The following TLN2 variants were observed in gnomAD, a reference collection of about 807,000 sequenced individuals.
TLN2 encodes talin-2.
TLN2 carries 118 observed loss-of-function variants against 294.7 expected under a neutral mutation model. The observed-to-expected ratio is 0.40, with a 90% CI of 0.34 to 0.47. The LOEUF is 0.47. Among genes scored for constraint, TLN2 ranks in the 20% least tolerant of loss-of-function variants. The probability of loss-of-function intolerance (pLI) is 0.84; values close to 1 mark genes in which losing one functional copy is unlikely to be tolerated. For missense variants in TLN2, 3,083 were observed against 3,282.2 expected, an observed-to-expected ratio of 0.94 and a Z score of 1.48; for synonymous variants, 1,431 against 1,304.5, an observed-to-expected ratio of 1.10 and a Z score of -2.09.
intron 1 of TLN2, among the ~76,000 whole-genome samples, chr15:62,508,515 A>C (rs891907486): frequency 6.6e-6 from 1 of 152,164 alleles, no homozygotes; most frequent in Non-Finnish European, 1.5e-5. Context: ...GCACCCGGCC[A>C]AAGCCCTATA....
chr15:62,399,224 G>C (rs1163953158), intron 1 of TLN2, among the ~76,000 whole-genome samples: 1 of 126,974 alleles, frequency 7.9e-6, no homozygotes, highest in Non-Finnish European at 1.6e-5. Flanking sequence ...CTGCACTCTA[G>C]CCTGGGTGAC....
chr15:62,568,038 T>C (rs1239710863), intron 1 of TLN2, among the ~76,000 whole-genome samples: 3 of 152,220 alleles, frequency 2.0e-5, no homozygotes, highest in African/African-American at 7.2e-5. Context: ...TTGAGTTCTC[T>C]GAGCCCACGA....
At chr15:62,509,629 C>T (rs1426960331) in intron 1 of TLN2, among the ~76,000 whole-genome samples, 1 of 152,196 alleles carries the variant, frequency 6.6e-6, no homozygotes, top group Non-Finnish European at 1.5e-5. Context: ...AGAACGGCCC[C>T]TCCTGGTCCT....
chr15:62,834,332 G>C (rs2069226125), intron 55 of TLN2: 2 of 152,158 alleles, frequency 1.3e-5, no homozygotes, highest in African/African-American at 4.8e-5. Context: ...CTCTCAAATG[G>C]AGAGGCGCCA....
At position 62,481,798 on chromosome 15, in the gene TLN2, C is replaced by CTTTTTTTT. The variant is rs60002079; in HGVS notation, c.-238+91123_-238+91130dup. Among the ~76,000 whole-genome samples, 12 of 115,732 alleles carry CTTTTTTTT rather than the reference C, an allele frequency of 1.0e-4. 2 individuals are homozygous for CTTTTTTTT. Among genetic ancestry groups the CTTTTTTTT allele is most frequent in the Non-Finnish European group, 1.2e-4 (7 of 56,880 alleles). 75.9% of individuals were successfully genotyped at this position (115,732 alleles called of 152,430 possible). On this transcript the variant is annotated intron_variant, in intron 1 of 58. Coordinates refer to ENST00000636159, the MANE Select transcript of TLN2 (RefSeq NM_015059.3). ...ATATTATTTTTCTTTTTCTTTCTTT[C>CTTTTTTTT]TTTTTTTTTTTTTTTTTAAGACGGA...
intron 43 of TLN2, among the ~76,000 whole-genome samples, chr15:62,777,254 C>T (rs182633340): frequency 2.8e-4 from 42 of 151,976 alleles, no homozygotes; most frequent in East Asian, 2.1e-3. Context: ...GATTCCCGCC[C>T]GGCCGGGCGC....
intron 1 of TLN2, among the ~76,000 whole-genome samples, chr15:62,474,546 AT>A (rs1454941550): frequency 6.6e-6 from 1 of 152,104 alleles, no homozygotes; most frequent in African/African-American, 2.4e-5. Flanking sequence ...GGAGGCTGAG[AT>A]GGGAGGATCA....
At chr15:62,760,310 G>C (rs2062582815) in intron 37 of TLN2, among the ~76,000 whole-genome samples, 1 of 152,184 alleles carries the variant, frequency 6.6e-6, no homozygotes, top group Non-Finnish European at 1.5e-5. Context: ...GCCAAGGCTT[G>C]ATTGGAATGT....
chr15:62,731,382 T>C (rs888738120), intron 28 of TLN2, among the ~76,000 whole-genome samples: 3 of 134,384 alleles, frequency 2.2e-5, no homozygotes, highest in African/African-American at 8.4e-5. Flanking sequence ...TTTTAAATTG[T>C]AGAGATAGTT....
At position 62,504,044 on chromosome 15, in the gene TLN2, T is replaced by C. The variant is rs897890002; in HGVS notation, c.-237-85643T>C. ...TCAGTGGCATCAGTTGCATGTAAGG[T>C]TCATGAAAGAACTGTGTAAAATTGT... On this transcript the variant is annotated intron_variant, in intron 1 of 58. Transcript: ENST00000636159. 2.0e-5 allele frequency among the ~76,000 whole-genome samples: 3 copies of C among 152,146 alleles called. No individual in the cohort carries two copies. The East Asian group carries it at 5.8e-4, about 29-fold the overall frequency.
At chr15:62,740,163 T>C (rs2061247660) in intron 31 of TLN2, among the ~76,000 whole-genome samples, 1 of 152,060 alleles carries the variant, frequency 6.6e-6, no homozygotes, top group Admixed American at 6.5e-5. Context: ...GAGAAATGTG[T>C]GCTTTCCCGA....
intron 43 of TLN2, among the ~76,000 whole-genome samples, chr15:62,778,782 TC>T (rs984362656): frequency 2.6e-5 from 4 of 152,212 alleles, no homozygotes; most frequent in Admixed American, 2.0e-4. Context: ...GAGCTGTTCT[TC>T]CCCCCTCAGT....
chr15:62,628,463 G>T (rs1047947189), intron 3 of TLN2, among the ~76,000 whole-genome samples: 2 of 152,218 alleles, frequency 1.3e-5, no homozygotes, highest in African/African-American at 4.8e-5. Context: ...ATAACGTTTT[G>T]TTGAATTAAG....
chr15:62,840,448 G>GTT, intron 58 of TLN2, 34 bp from the exon 59 acceptor site: 1 of 1,613,060 alleles, frequency 6.2e-7, no homozygotes, highest in Non-Finnish European at 8.5e-7. Context: ...TCTACAAAGT[G>GTT]TTAGGTCCAT....
At chr15:62,607,791 C>CAGAAAA (rs2047579006) in intron 2 of TLN2, among the ~76,000 whole-genome samples, 2 of 152,212 alleles carry the variant, frequency 1.3e-5, no homozygotes, top group East Asian at 3.9e-4. Flanking sequence ...ATACACCTCT[C>CAGAAAA]TTTCTGAGTT....
intron 2 of TLN2, among the ~76,000 whole-genome samples, chr15:62,607,398 G>A (rs1171723030): frequency 6.6e-6 from 1 of 152,122 alleles, no homozygotes; most frequent in Non-Finnish European, 1.5e-5. Flanking sequence ...AGCTAAAAGA[G>A]CTTTATTCTG....
chr15:62,709,394 A>G (rs1021997036), intron 21 of TLN2, among the ~76,000 whole-genome samples: 2 of 152,200 alleles, frequency 1.3e-5, no homozygotes, highest in Non-Finnish European at 2.9e-5. Flanking sequence ...GGGGTGATCC[A>G]CGCAGAGGAG....
Position 62,608,468 on chromosome 15 carries a change from T to C in TLN2, c.-161-9883T>C, listed in dbSNP as rs530925177. The stretch of plus-strand genomic sequence containing the variant: ...TGTGAGGATCCTAGCTGGGAAGCTG[T>C]TGCAGGAATTTGAGCAGGAGATGAT... On this transcript the variant is annotated intron_variant, in intron 2 of 58. Transcript: ENST00000636159. Among the ~76,000 whole-genome samples, 73 of 152,196 alleles carry C rather than the reference T, an allele frequency of 4.8e-4. 1 individual carries two copies. In the South Asian group the frequency reaches 0.015, roughly 31 times the overall value.
At chr15:62,557,712 T>A (rs1197297824) in intron 1 of TLN2, among the ~76,000 whole-genome samples, 1 of 152,182 alleles carries the variant, frequency 6.6e-6, no homozygotes, top group African/African-American at 2.4e-5. Flanking sequence ...CGGCTAATTT[T>A]TTATTTTTAG....
Sources: allele counts gnomAD v4.1 joint callset (sites outside exome capture counted in the v4.1 genomes callset), GRCh38; gene constraint gnomAD v4.1.1; transcripts MANE v1.5; gene names NCBI Gene and HGNC (gene_info 2026-07-23, HGNC 2026-07-21).